ITGA9: variants seen among roughly 807,000 people sequenced by gnomAD.
The protein encoded by ITGA9 is integrin subunit alpha 9.
ITGA9 carries 56 observed loss-of-function variants against 127.8 expected under a neutral mutation model. The ratio of observed to expected loss-of-function variants is 0.44; its 90% CI spans 0.35 to 0.55. The LOEUF (loss-of-function observed/expected upper bound fraction) is 0.55, where lower values mean the gene tolerates loss of function less well. Ranked by LOEUF, ITGA9 falls within the 20% of genes least tolerant of loss-of-function variation. The pLI, the probability that ITGA9 is intolerant of heterozygous loss-of-function variation, is 0.00. For synonymous variants in ITGA9, 508 were observed against 514.5 expected (o/e 0.99, Z 0.17); for missense variants, 1,196 against 1,347.1 (o/e 0.89, Z 1.76).
chr3:37,477,983 T>A lies in ITGA9; in HGVS notation c.421-3501T>A, dbSNP rs551342741. 7.9e-5 allele frequency among the ~76,000 whole-genome samples: 12 copies of A among 152,344 alleles called. No individual in the cohort carries two copies. In the East Asian group the frequency reaches 9.6e-4, roughly 12 times the overall value. On this transcript the variant is annotated intron_variant, in intron 3 of 27. Coordinates refer to ENST00000264741, the MANE Select transcript of ITGA9 (RefSeq NM_002207.3). ...TGTTGCTCTGTTTCCTGATTTTTTT[T>A]AAAGTGAACTTTTTATTGAGCTGTA...
chr3:37,518,083 A>G (rs1699004747), intron 10 of ITGA9, among the ~76,000 whole-genome samples: 1 of 67,464 alleles, frequency 1.5e-5, no homozygotes, highest in Non-Finnish European at 3.6e-5. Context: ...TTGACTTTTG[A>G]GAGTGTACGC....
chr3:37,699,597 T>G (rs1040028391), intron 18 of ITGA9, among the ~76,000 whole-genome samples: 3 of 152,202 alleles, frequency 2.0e-5, no homozygotes, highest in Admixed American at 2.0e-4. Context: ...GCTTCCACCT[T>G]TACCTCTTAC....
At chr3:37,518,093 C>CGCGTGTGT (rs368577036) in intron 10 of ITGA9, among the ~76,000 whole-genome samples, 4,935 of 144,202 alleles carry the variant, frequency 0.034, 252 homozygotes, top group South Asian at 0.17. Flanking sequence ...AGAGTGTACG[C>CGCGTGTGT]GTGTGTGTGT....
chr3:37,589,179 C>T (rs957981156), intron 15 of ITGA9, among the ~76,000 whole-genome samples: 4 of 152,202 alleles, frequency 2.6e-5, no homozygotes, highest in Non-Finnish European at 5.9e-5. Context: ...TCATACAGCA[C>T]TTGGCTTTCC....
chr3:37,708,502 G>A (rs9832552), intron 18 of ITGA9, among the ~76,000 whole-genome samples: 64,827 of 152,116 alleles, frequency 0.43, 14,408 homozygotes, highest in South Asian at 0.57. Context: ...ACCTCTGAGC[G>A]GTAGGTATAA....
intron 15 of ITGA9, among the ~76,000 whole-genome samples, chr3:37,622,017 T>C (rs1700133217): frequency 6.6e-6 from 1 of 152,222 alleles, no homozygotes; most frequent in African/African-American, 2.4e-5. Flanking sequence ...TGTCTCTTCC[T>C]TTCTGGTTGA....
At chr3:37,776,752 G>A (rs1264176278) in intron 23 of ITGA9, among the ~76,000 whole-genome samples, 1 of 152,198 alleles carries the variant, frequency 6.6e-6, no homozygotes, top group Non-Finnish European at 1.5e-5. Flanking sequence ...CTCACCAAGA[G>A]CTCGGCAAGC....
At position 37,549,357 on chromosome 3, in the gene ITGA9, G is replaced by A. The variant is rs116149103; in HGVS notation, c.1689+6772G>A. On this transcript the variant is annotated intron_variant, in intron 15 of 27. Transcript: ENST00000264741. ...AAATTCTAATCCAAAGGCTTTGCCCGCCTTAAGTCCTTTTTTGAAATGGAG... is the reference window on the plus strand; with the variant it reads ...AAATTCTAATCCAAAGGCTTTGCCCACCTTAAGTCCTTTTTTGAAATGGAG... 6.0e-3 allele frequency among the ~76,000 whole-genome samples: 915 copies of A among 152,278 alleles called. 11 individuals carry two copies. The highest frequency in any genetic ancestry group is 0.021 in the African/African-American group (874 of 41,544).
In ITGA9 at chr3:37,787,968, G is replaced by A. The variant is rs536065272; in HGVS notation, c.2889+2890G>A. 2.2e-4 allele frequency among the ~76,000 whole-genome samples: 34 copies of A among 152,280 alleles called. No individual in the cohort carries two copies. In the South Asian group the frequency reaches 5.2e-3, roughly 23 times the overall value. On this transcript the variant is annotated intron_variant, in intron 26 of 27. Transcript: ENST00000264741. Reference sequence around the variant, plus strand: ...TTTCCTGTGATCTTTTTTAATAGGAGTTTTAAAATGCATTTTATATTGAGT... The same window carrying A: ...TTTCCTGTGATCTTTTTTAATAGGAATTTTAAAATGCATTTTATATTGAGT...
At chr3:37,613,381 G>A (rs1369769069) in intron 15 of ITGA9, among the ~76,000 whole-genome samples, 1 of 152,112 alleles carries the variant, frequency 6.6e-6, no homozygotes, top group Non-Finnish European at 1.5e-5. Context: ...CATTTGGGTT[G>A]GTTCCAAGTC....
chr3:37,541,961 C>T (rs954069900), intron 14 of ITGA9, among the ~76,000 whole-genome samples: 8 of 152,154 alleles, frequency 5.3e-5, no homozygotes, highest in Non-Finnish European at 8.8e-5. Flanking sequence ...AATTATCAGA[C>T]GAGATGGTTC....
intron 18 of ITGA9, among the ~76,000 whole-genome samples, chr3:37,730,868 G>A (rs142397378): frequency 1.0e-3 from 158 of 152,368 alleles, no homozygotes; most frequent in Non-Finnish European, 1.5e-3. Context: ...CAGGCAGGGT[G>A]TGTGTAGAAT....
At chr3:37,758,464 A>ATAT (rs541124576) in intron 23 of ITGA9, among the ~76,000 whole-genome samples, 3 of 151,096 alleles carry the variant, frequency 2.0e-5, no homozygotes, top group African/African-American at 7.3e-5. Flanking sequence ...AACTCATTAT[A>ATAT]TATTATTATT....
chr3:37,490,779 A>G (rs544353861), intron 4 of ITGA9, among the ~76,000 whole-genome samples: 1 of 152,246 alleles, frequency 6.6e-6, no homozygotes, highest in Non-Finnish European at 1.5e-5. Flanking sequence ...CAGCAGCTAA[A>G]CCAAGGAAAA....
At chr3:37,742,264 G>C (rs1696446654) in intron 21 of ITGA9, among the ~76,000 whole-genome samples, 1 of 152,142 alleles carries the variant, frequency 6.6e-6, no homozygotes, top group African/African-American at 2.4e-5. Context: ...TTTCTGATTA[G>C]CTCCACAGGC....
intron 3 of ITGA9, among the ~76,000 whole-genome samples, chr3:37,476,409 A>G (rs1698494892): frequency 6.7e-6 from 1 of 149,970 alleles, no homozygotes; most frequent in Non-Finnish European, 1.5e-5. Flanking sequence ...ATAATATTTT[A>G]TTGTGATTTT....
intron 25 of ITGA9, among the ~76,000 whole-genome samples, chr3:37,780,592 G>A (rs1696965354): frequency 6.6e-6 from 1 of 152,006 alleles, no homozygotes; most frequent in African/African-American, 2.4e-5. Context: ...GGACACTTAA[G>A]TTGATTCCCT....
chr3:37,482,356 C>G (rs1481879236), intron 4 of ITGA9, among the ~76,000 whole-genome samples: 1 of 152,200 alleles, frequency 6.6e-6, no homozygotes, highest in Non-Finnish European at 1.5e-5. Flanking sequence ...GCATCGAGGA[C>G]AGTCACTAAT....
chr3:37,518,424 A>G lies in ITGA9; in HGVS notation c.1141+815A>G, dbSNP rs180903254. On this transcript the variant is annotated intron_variant, in intron 10 of 27. Transcript: ENST00000264741. ...GCAGACACATGACTTTGTTAGAAGC[A>G]AGGGAAAAAAGTTAGGAAGATCTAG... Among the ~76,000 whole-genome samples the G allele has an allele frequency of 2.7e-3, 409 of 152,312 alleles. 1 individual carries two copies. The highest frequency in any genetic ancestry group is 9.0e-3 in the African/African-American group (376 of 41,580).
Sources: gnomAD v4.1 joint callset for allele counts (sites outside exome capture counted in the v4.1 genomes callset) on GRCh38, gnomAD v4.1.1 for gene constraint, MANE v1.5 for transcripts, NCBI Gene and HGNC (gene_info 2026-07-23, HGNC 2026-07-21) for gene names.